Variants in FBXL17 observed in about 807,000 individuals in gnomAD.
FBXL17 encodes the protein F-box and leucine rich repeat protein 17.
A neutral mutation model predicts 66.2 loss-of-function variants in FBXL17; 22 were observed. That is an observed-to-expected ratio of 0.33 (90% CI 0.24 to 0.47). The LOEUF (loss-of-function observed/expected upper bound fraction) is 0.47, where lower values mean the gene tolerates loss of function less well. FBXL17 is among the 20% of genes least tolerant of loss of function. The pLI is 1.00. For missense variants in FBXL17, 878 were observed against 948.2 expected, an observed-to-expected ratio of 0.93 and a Z score of 0.97; for synonymous variants, 474 against 400.5, an observed-to-expected ratio of 1.18 and a Z score of -2.19.
chr5:108,184,569 AGT>A (rs1291729933), intron 6 of FBXL17, among the ~76,000 whole-genome samples: 2 of 151,910 alleles, frequency 1.3e-5, no homozygotes, highest in African/African-American at 4.8e-5. Context: ...GGCCTCCCAA[AGT>A]GCTGGGATTA....
chr5:107,924,718 G>A (rs1750444226), intron 7 of FBXL17, among the ~76,000 whole-genome samples: 3 of 152,094 alleles, frequency 2.0e-5, no homozygotes. Flanking sequence ...AGAATCTTAG[G>A]AACCTTCCTT....
intron 6 of FBXL17, among the ~76,000 whole-genome samples, chr5:108,163,399 CTTTTTTTTTTTTTTTTT>C (rs764052812): frequency 7.7e-6 from 1 of 129,540 alleles, no homozygotes; most frequent in African/African-American, 3.3e-5. Flanking sequence ...TTTTTTTTTT[CTTTTTTTTTTTTTTTTT>C]TTGAGACAGA....
intron 6 of FBXL17, among the ~76,000 whole-genome samples, chr5:108,033,508 A>G (rs1469064930): frequency 6.6e-6 from 1 of 151,978 alleles, no homozygotes; most frequent in East Asian, 1.9e-4. Context: ...GCCCATTCCC[A>G]CTCACAAATG....
Position 108,381,067 on chromosome 5 carries a change from G to T in FBXL17, c.625C>A (p.Pro209Thr). 1 of 1,227,320 alleles carries T rather than the reference G, an allele frequency of 8.1e-7. No homozygotes were observed. The highest frequency in any genetic ancestry group is 3.2e-5 in the East Asian group (1 of 30,922). 76.0% of individuals were successfully genotyped at this position (1,227,320 alleles called of 1,614,324 possible). The change falls in exon 1 of 9, where the codon CCC becomes ACC. Residue 209 changes from proline (P) to threonine (T), a missense_variant. Pro to Thr is a conservative substitution (Grantham distance 38). Coordinates refer to ENST00000542267, the MANE Select transcript of FBXL17 (RefSeq NM_001163315.3). Reference protein sequence around the residue: ...RKGAGVPACTPCKQPRCGGGG... With the variant: ...RKGAGVPACTTCKQPRCGGGG... ...CCGCCGCAGCGGGGCTGCTTGCAGG[G>T]GGTGCAGGCGGGGACCCCGGCCCCC... is the stretch of plus-strand genomic sequence containing the variant.
intron 7 of FBXL17, among the ~76,000 whole-genome samples, chr5:107,949,909 C>T (rs1240227689): frequency 6.6e-6 from 1 of 152,122 alleles, no homozygotes; most frequent in Non-Finnish European, 1.5e-5. Context: ...TATTAGTTTA[C>T]GTTCTACATG....
At chr5:108,311,082 G>C (rs921691127) in intron 4 of FBXL17, among the ~76,000 whole-genome samples, 1 of 152,168 alleles carries the variant, frequency 6.6e-6, no homozygotes, top group Admixed American at 6.5e-5. Flanking sequence ...AAAAGTAAGT[G>C]TCACTGAAAT....
chr5:108,336,773 G>T (rs1231454329), intron 4 of FBXL17, among the ~76,000 whole-genome samples: 2 of 152,046 alleles, frequency 1.3e-5, no homozygotes, highest in African/African-American at 2.4e-5. Flanking sequence ...CTTCTTGTAT[G>T]AATGTTAATG....
rs560549018 is a variant in FBXL17, at chr5:107,922,691, G to A, written c.1823-41512C>T. Among the ~76,000 whole-genome samples, 3 of 152,186 alleles carry A rather than the reference G, an allele frequency of 2.0e-5. No individual in the cohort carries two copies. The East Asian group carries it at 5.8e-4, about 29-fold the overall frequency. On this transcript the variant is annotated intron_variant, in intron 7 of 8. Coordinates refer to ENST00000542267, the MANE Select transcript of FBXL17 (RefSeq NM_001163315.3). ...CACATCTTGGGAAATAAAACAGAAGGAATCCTAAAGCCCGGCTACTTCATA... is the reference window on the plus strand; with the variant it reads ...CACATCTTGGGAAATAAAACAGAAGAAATCCTAAAGCCCGGCTACTTCATA...
chr5:108,161,108 A>G (rs1752194473), intron 6 of FBXL17, among the ~76,000 whole-genome samples: 1 of 152,114 alleles, frequency 6.6e-6, no homozygotes, highest in Non-Finnish European at 1.5e-5. Flanking sequence ...GCCTGTTAAG[A>G]GAGTCCCGGG....
intron 6 of FBXL17, among the ~76,000 whole-genome samples, chr5:108,137,346 T>C (rs367669842): frequency 3.9e-5 from 6 of 152,162 alleles, no homozygotes; most frequent in African/African-American, 1.4e-4. Context: ...GATCAGCCAC[T>C]GCTTTCTCTC....
intron 4 of FBXL17, among the ~76,000 whole-genome samples, chr5:108,281,121 C>T (rs1476571794): frequency 6.6e-6 from 1 of 151,456 alleles, no homozygotes; most frequent in Non-Finnish European, 1.5e-5. Context: ...ATAATCAGTA[C>T]AAAAAAATGA....
chr5:107,966,109 G>A (rs527791222), intron 7 of FBXL17, among the ~76,000 whole-genome samples: 30 of 152,182 alleles, frequency 2.0e-4, no homozygotes, highest in Non-Finnish European at 4.0e-4. Flanking sequence ...ATAATAAAAA[G>A]CCTGTTGAAA....
intron 6 of FBXL17, among the ~76,000 whole-genome samples, chr5:108,185,452 G>C (rs973376085): frequency 6.6e-6 from 1 of 152,130 alleles, no homozygotes; most frequent in Non-Finnish European, 1.5e-5. Context: ...TGCCATGCTT[G>C]TCAGTTTCCT....
At chr5:107,982,934 C>A (rs1752880227) in intron 7 of FBXL17, among the ~76,000 whole-genome samples, 1 of 152,160 alleles carries the variant, frequency 6.6e-6, no homozygotes, top group African/African-American at 2.4e-5. Context: ...GGGGACCACA[C>A]CTAGAAGGCT....
At chr5:108,019,093 T>A (rs1171230938) in intron 7 of FBXL17, among the ~76,000 whole-genome samples, 2 of 152,192 alleles carry the variant, frequency 1.3e-5, no homozygotes, top group African/African-American at 4.8e-5. Flanking sequence ...CTTGTTTTTA[T>A]CCCACTCCTG....
chr5:108,265,970 G>A (rs1321616924), intron 4 of FBXL17, among the ~76,000 whole-genome samples: 1 of 152,116 alleles, frequency 6.6e-6, no homozygotes, highest in East Asian at 1.9e-4. Flanking sequence ...TTCATATACA[G>A]AAATACTTAG....
intron 6 of FBXL17, among the ~76,000 whole-genome samples, chr5:108,064,735 T>C (rs769752340): frequency 3.3e-5 from 5 of 152,208 alleles, no homozygotes; most frequent in East Asian, 1.9e-4. Flanking sequence ...CAGAAATTTA[T>C]AGTACAGAAT....
chr5:108,298,911 G>T (rs1276287077), intron 4 of FBXL17: 3 of 938,978 alleles, frequency 3.2e-6, no homozygotes, highest in Non-Finnish European at 3.8e-6. Context: ...CACATTAAAA[G>T]TATAGCACAC....
chr5:108,105,318 A>T (rs1313973271), intron 6 of FBXL17, among the ~76,000 whole-genome samples: 1 of 152,192 alleles, frequency 6.6e-6, no homozygotes, highest in African/African-American at 2.4e-5. Flanking sequence ...GGAAAAACAC[A>T]ATGGAAAGAA....
Sources: gnomAD v4.1 joint callset for allele counts (sites outside exome capture counted in the v4.1 genomes callset) on GRCh38, gnomAD v4.1.1 for gene constraint, MANE v1.5 for transcripts, NCBI Gene and HGNC (gene_info 2026-07-23, HGNC 2026-07-21) for gene names.